The following EDIL3 variants were observed in gnomAD, a reference collection of about 807,000 sequenced individuals.
EDIL3 encodes the protein EGF like and discoidin domains 3, also known as EGF-like repeat and discoidin I-like domain-containing protein 3.
EDIL3 carries 37 observed loss-of-function variants against 67.4 expected under a neutral mutation model. That is an observed-to-expected ratio of 0.55 (90% CI 0.42 to 0.72). The LOEUF (loss-of-function observed/expected upper bound fraction) is 0.72, where lower values mean the gene tolerates loss of function less well. Ranked by LOEUF, EDIL3 falls within the 30% of genes least tolerant of loss-of-function variation. The probability of loss-of-function intolerance (pLI) is 0.00; values close to 1 mark genes in which losing one functional copy is unlikely to be tolerated. For missense variants in EDIL3, 527 were observed against 586.3 expected, an observed-to-expected ratio of 0.90 and a Z score of 1.04; for synonymous variants, 195 against 196.3, an observed-to-expected ratio of 0.99 and a Z score of 0.05.
chr5:84,278,866 T>C (rs1561243476), intron 1 of EDIL3, among the ~76,000 whole-genome samples: 1 of 152,168 alleles, frequency 6.6e-6, no homozygotes, highest in Non-Finnish European at 1.5e-5. Context: ...TCCCTACTCA[T>C]GTTTCCTGCT....
intron 9 of EDIL3, among the ~76,000 whole-genome samples, chr5:84,057,490 T>C (rs1346282173): frequency 6.6e-6 from 1 of 152,126 alleles, no homozygotes. Flanking sequence ...CTGGAATATT[T>C]ACAATTTTAG....
intron 1 of EDIL3, among the ~76,000 whole-genome samples, chr5:84,286,095 G>A (rs188102414): frequency 4.5e-4 from 68 of 152,256 alleles, no homozygotes; most frequent in Admixed American, 4.5e-3. Flanking sequence ...TAGGCTTACA[G>A]TGAACTCTGT....
At chr5:84,203,791 G>T (rs1743898712) in intron 3 of EDIL3, among the ~76,000 whole-genome samples, 1 of 152,042 alleles carries the variant, frequency 6.6e-6, no homozygotes, top group Admixed American at 6.6e-5. Context: ...ATTCCTCTAA[G>T]GAAAAATTAC....
intron 4 of EDIL3, among the ~76,000 whole-genome samples, chr5:84,147,856 T>G (rs1334546332): frequency 6.6e-6 from 1 of 152,062 alleles, no homozygotes; most frequent in Non-Finnish European, 1.5e-5. Context: ...GCCTAACCCT[T>G]GAATTAATTT....
chr5:83,974,479 T>TA (rs954782999), intron 9 of EDIL3, among the ~76,000 whole-genome samples: 4 of 150,622 alleles, frequency 2.7e-5, no homozygotes, highest in African/African-American at 7.3e-5. Context: ...GGATGACAAT[T>TA]AAAAAAAAAA....
intron 1 of EDIL3, among the ~76,000 whole-genome samples, chr5:84,378,555 C>T (rs1409996402): frequency 6.6e-6 from 1 of 152,120 alleles, no homozygotes; most frequent in Non-Finnish European, 1.5e-5. Flanking sequence ...TATAGAGGAC[C>T]CAGAAACTTG....
At chr5:84,038,908 T>G (rs1203469794) in intron 9 of EDIL3, among the ~76,000 whole-genome samples, 8 of 152,178 alleles carry the variant, frequency 5.3e-5, no homozygotes, top group Admixed American at 3.9e-4. Context: ...ATAACTCACA[T>G]GGCACTTAAC....
chr5:84,004,876 C>T (rs561587339), intron 9 of EDIL3, among the ~76,000 whole-genome samples: 34 of 151,786 alleles, frequency 2.2e-4, no homozygotes, highest in African/African-American at 8.0e-4. Context: ...AGAAACCATA[C>T]AAAAGACTAA....
chr5:84,300,633 A>G (rs1417227435), intron 1 of EDIL3, among the ~76,000 whole-genome samples: 1 of 152,222 alleles, frequency 6.6e-6, no homozygotes, highest in Non-Finnish European at 1.5e-5. Flanking sequence ...AGAAAGTGAA[A>G]TGCATATTCT....
intron 5 of EDIL3, among the ~76,000 whole-genome samples, chr5:84,117,081 G>T (rs1213347710): frequency 7.0e-6 from 1 of 142,868 alleles, no homozygotes; most frequent in Non-Finnish European, 1.5e-5. Context: ...AGGCGGGAGT[G>T]CAGTGGCGCA....
chr5:84,342,279 C>T (rs1027807813), intron 1 of EDIL3, among the ~76,000 whole-genome samples: 2 of 152,042 alleles, frequency 1.3e-5, no homozygotes, highest in African/African-American at 4.8e-5. Context: ...ACTGCATGTT[C>T]TCACAAGTGG....
chr5:84,056,199 T>C (rs1262558776), intron 9 of EDIL3, among the ~76,000 whole-genome samples: 2 of 152,108 alleles, frequency 1.3e-5, no homozygotes, highest in African/African-American at 4.8e-5. Flanking sequence ...GGAAACATCA[T>C]TCTCAGCAAA....
chr5:84,310,820 C>T (rs1746372175), intron 1 of EDIL3, among the ~76,000 whole-genome samples: 1 of 152,216 alleles, frequency 6.6e-6, no homozygotes, highest in East Asian at 1.9e-4. Flanking sequence ...CCTAGAGCCT[C>T]CTAGATTAAA....
chr5:84,007,592 GTT>G (rs1051288108), intron 9 of EDIL3, among the ~76,000 whole-genome samples: 103 of 152,102 alleles, frequency 6.8e-4, no homozygotes, highest in African/African-American at 2.4e-3. Flanking sequence ...TGTCATTCCA[GTT>G]AAAATGGCTT....
intron 5 of EDIL3, among the ~76,000 whole-genome samples, chr5:84,122,756 A>C (rs1747801266): frequency 6.6e-6 from 1 of 151,902 alleles, no homozygotes; most frequent in African/African-American, 2.4e-5. Flanking sequence ...TAGGACAGTG[A>C]TCTAACTCAC....
At chr5:84,057,203 G>C (rs2112232033) in intron 9 of EDIL3, among the ~76,000 whole-genome samples, 1 of 152,216 alleles carries the variant, frequency 6.6e-6, no homozygotes, top group Non-Finnish European at 1.5e-5. Flanking sequence ...ATCAATTTTA[G>C]CATGCAAGTG....
chr5:84,135,361 GT>G (rs1288200453), intron 5 of EDIL3, among the ~76,000 whole-genome samples: 2 of 152,170 alleles, frequency 1.3e-5, no homozygotes, highest in African/African-American at 2.4e-5. Flanking sequence ...TCCAGGTATT[GT>G]TTTAATCTAT....
Position 83,942,269 on chromosome 5 carries a change from C to G in EDIL3, c.*1150G>C, listed in dbSNP as rs1188675479. On this transcript the variant is annotated 3_prime_UTR_variant, in exon 11 of 11. Coordinates refer to ENST00000296591, the MANE Select transcript of EDIL3 (RefSeq NM_005711.5). ...CAGTTTTCATCTTGAAAATGGTTTA[C>G]TACTTTGTCATTAGTAAACACTTTG... 6.6e-6 allele frequency: 1 copy of G among 151,910 alleles called. No individual in the cohort carries two copies. The highest frequency in any genetic ancestry group is 1.5e-5 in the Non-Finnish European group (1 of 67,924). The allele number at this position is 151,910 out of a possible 1,614,324, so 9.4% of individuals were successfully genotyped here.
Position 83,943,065 on chromosome 5 carries a change from C to CTCTTAT in EDIL3, c.*348_*353dup. 1 of 241,624 alleles carries CTCTTAT rather than the reference C, an allele frequency of 4.1e-6. No homozygotes were observed. The highest frequency in any genetic ancestry group is 4.7e-5 in the South Asian group (1 of 21,126). The allele number at this position is 241,624 out of a possible 1,614,324, so 15.0% of individuals were successfully genotyped here. The stretch of plus-strand genomic sequence containing the variant: ...ATTGTAAAAGCTCTATCAACTCTTG[C>CTCTTAT]TCTTATTTGATGACTTTGAGACTTT... On this transcript the variant is annotated 3_prime_UTR_variant, in exon 11 of 11. Transcript: ENST00000296591.
Sources: allele counts gnomAD v4.1 joint callset (sites outside exome capture counted in the v4.1 genomes callset), GRCh38; gene constraint gnomAD v4.1.1; transcripts MANE v1.5; gene names NCBI Gene and HGNC (gene_info 2026-07-23, HGNC 2026-07-21).